The following ANO4 variants were observed in gnomAD, a reference collection of about 807,000 sequenced individuals.
The protein encoded by ANO4 is anoctamin-4.
ANO4 carries 69 observed loss-of-function variants against 141.9 expected under a neutral mutation model. The observed-to-expected ratio is 0.49, with a 90% CI of 0.40 to 0.59. The LOEUF is 0.59. Ranked by LOEUF, ANO4 falls within the 20% of genes least tolerant of loss-of-function variation. ANO4 has a pLI of 0.00. For missense variants in ANO4, 894 were observed against 1,162.2 expected (o/e 0.77, Z 3.36); for synonymous variants, 350 against 394.3 (o/e 0.89, Z 1.33).
At chr12:101,016,235 C>T (rs905661636) in intron 8 of ANO4, among the ~76,000 whole-genome samples, 2 of 152,140 alleles carry the variant, frequency 1.3e-5, no homozygotes, top group Admixed American at 1.3e-4. Context: ...GGAAGCATGG[C>T]ACCAGAATCT....
At chr12:100,724,335 T>A (rs1234349498) in intron 1 of ANO4, among the ~76,000 whole-genome samples, 1 of 152,204 alleles carries the variant, frequency 6.6e-6, no homozygotes, top group Non-Finnish European at 1.5e-5. Flanking sequence ...AAACATTTCT[T>A]GTGCCTTCTA....
At chr12:101,099,295 A>C (rs966573237) in intron 21 of ANO4, among the ~76,000 whole-genome samples, 2 of 152,112 alleles carry the variant, frequency 1.3e-5, no homozygotes, top group African/African-American at 2.4e-5. Flanking sequence ...CCATTTATAG[A>C]TATTCTCAGT....
At chr12:101,087,201 A>G (rs1034305060) in intron 17 of ANO4, among the ~76,000 whole-genome samples, 1 of 152,074 alleles carries the variant, frequency 6.6e-6, no homozygotes, top group East Asian at 1.9e-4. Context: ...TTGATTATCA[A>G]TGATAGGAAG....
At chr12:100,953,343 C>T (rs1385126959) in intron 5 of ANO4, among the ~76,000 whole-genome samples, 2 of 152,170 alleles carry the variant, frequency 1.3e-5, no homozygotes, top group East Asian at 1.9e-4. Context: ...TTTACAATCT[C>T]CAGCTTGTAA....
chr12:100,901,626 G>T lies in ANO4; in HGVS notation c.-140-20G>T. On this transcript the variant is annotated intron_variant, in intron 1 of 27. Coordinates refer to ENST00000392977, the MANE Select transcript of ANO4 (RefSeq NM_001286615.2). ...TCTGAAGTGACTTCTTCAGTCTAAT[G>T]GTGCCATTTCTCATTCCAGGTTTAA... The T allele has an allele frequency of 1.3e-6, 1 of 748,892 alleles. No individual in the cohort carries two copies. The highest frequency in any genetic ancestry group is 2.5e-6 in the Non-Finnish European group (1 of 404,650). The allele number at this position is 748,892 out of a possible 1,614,324, so 46.4% of individuals were successfully genotyped here.
rs867456040 is a variant in ANO4 at position 100,884,716 on chromosome 12, A to C, written c.-140-16930A>C. On this transcript the variant is annotated intron_variant, in intron 1 of 27. Coordinates refer to ENST00000392977, the MANE Select transcript of ANO4 (RefSeq NM_001286615.2). ...TGTTTTATGGCCTTTGTTTTTTGGG[A>C]TGGAATCTCGCTCTATCACCCAGGC... Among the ~76,000 whole-genome samples the C allele has an allele frequency of 1.9e-4, 29 of 152,114 alleles. 1 individual carries two copies. Among genetic ancestry groups the C allele is most frequent in the African/African-American group, 6.3e-4 (26 of 41,490 alleles).
At chr12:101,011,612 C>T (rs2136450056) in intron 8 of ANO4, among the ~76,000 whole-genome samples, 1 of 152,200 alleles carries the variant, frequency 6.6e-6, no homozygotes, top group South Asian at 2.1e-4. Flanking sequence ...GGAACAGAGG[C>T]AGAATAATTA....
chr12:101,042,049 C>T (rs989450172), intron 11 of ANO4, among the ~76,000 whole-genome samples: 2 of 152,140 alleles, frequency 1.3e-5, no homozygotes, highest in Non-Finnish European at 2.9e-5. Context: ...GTTGGTCTCC[C>T]TTTGCCCACT....
intron 14 of ANO4, among the ~76,000 whole-genome samples, chr12:101,074,054 G>C (rs2048930948): frequency 6.6e-6 from 1 of 152,074 alleles, no homozygotes; most frequent in Non-Finnish European, 1.5e-5. Context: ...TGAGGGAAAT[G>C]GTAGACAGGT....
chr12:101,076,887 CTG>C (rs2049044297), intron 14 of ANO4, among the ~76,000 whole-genome samples: 1 of 152,156 alleles, frequency 6.6e-6, no homozygotes, highest in African/African-American at 2.4e-5. Context: ...CCCAGGGACT[CTG>C]TGCAAAGACA....
intron 5 of ANO4, among the ~76,000 whole-genome samples, chr12:100,954,371 A>G (rs2043095860): frequency 6.6e-6 from 1 of 152,172 alleles, no homozygotes; most frequent in Non-Finnish European, 1.5e-5. Flanking sequence ...TCTGCAGCAC[A>G]TGATTCTCAA....
chr12:101,097,609 G>T lies in ANO4; in HGVS notation c.1851-42G>T. 3 of 1,584,434 alleles carry T rather than the reference G, an allele frequency of 1.9e-6. No homozygotes were observed. The South Asian group carries it at 3.3e-5, about 18-fold the overall frequency. On this transcript the variant is annotated intron_variant, in intron 19 of 27. Coordinates refer to ENST00000392977, the MANE Select transcript of ANO4 (RefSeq NM_001286615.2). ...AAATGTAATATTCGCTGAAAGCTTG[G>T]ACCTAGAGCACTAATGGCTTGTTTT... is the stretch of plus-strand genomic sequence containing the variant.
At chr12:101,021,846 A>C (rs1221796691) in intron 9 of ANO4, among the ~76,000 whole-genome samples, 1 of 152,214 alleles carries the variant, frequency 6.6e-6, no homozygotes, top group Non-Finnish European at 1.5e-5. Context: ...AAAAGGAAGT[A>C]CATAAAATTT....
chr12:100,839,461 C>T (rs1283417729), intron 1 of ANO4, among the ~76,000 whole-genome samples: 1 of 151,956 alleles, frequency 6.6e-6, no homozygotes, highest in Non-Finnish European at 1.5e-5. Flanking sequence ...ATATATATTA[C>T]AAAAAACAAT....
intron 1 of ANO4, among the ~76,000 whole-genome samples, chr12:100,844,725 A>G (rs986082184): frequency 4.6e-5 from 7 of 152,074 alleles, no homozygotes; most frequent in African/African-American, 1.4e-4. Flanking sequence ...TGAAAAATTA[A>G]AGTCAGGGCT....
At chr12:101,034,691 C>A (rs986954962) in intron 9 of ANO4, among the ~76,000 whole-genome samples, 7 of 152,136 alleles carry the variant, frequency 4.6e-5, no homozygotes, top group Non-Finnish European at 1.0e-4. Flanking sequence ...ACATCTATAT[C>A]TTGCCTCTAG....
At chr12:100,841,851 G>A (rs930875648) in intron 1 of ANO4, among the ~76,000 whole-genome samples, 1 of 152,116 alleles carries the variant, frequency 6.6e-6, no homozygotes, top group Non-Finnish European at 1.5e-5. Flanking sequence ...TACTTTTGCT[G>A]TTTGCTCTTT....
chr12:100,759,422 C>T (rs970410077), intron 3 of ANO4, among the ~76,000 whole-genome samples: 1 of 152,160 alleles, frequency 6.6e-6, no homozygotes, highest in Non-Finnish European at 1.5e-5. Flanking sequence ...GAATTCTTAT[C>T]TTGGCTCAGT....
At chr12:101,116,526 T>C (rs1253086468) in intron 24 of ANO4, among the ~76,000 whole-genome samples, 153 bp from the exon 25 acceptor site, 2 of 152,226 alleles carry the variant, frequency 1.3e-5, no homozygotes, top group East Asian at 3.8e-4. Flanking sequence ...CCCAGGGCTT[T>C]CCAGCGTATC....
Sources: gnomAD v4.1 joint callset for allele counts (sites outside exome capture counted in the v4.1 genomes callset) on GRCh38, gnomAD v4.1.1 for gene constraint, MANE v1.5 for transcripts, NCBI Gene and HGNC (gene_info 2026-07-23, HGNC 2026-07-21) for gene names.